CNTN5: variants seen among roughly 807,000 people sequenced by gnomAD.
CNTN5 encodes the protein contactin-5.
CNTN5 carries 77 observed loss-of-function variants against 129.1 expected under a neutral mutation model. The observed-to-expected ratio is 0.60, with a 90% CI of 0.50 to 0.72. CNTN5 has a LOEUF of 0.72. CNTN5 is among the 30% of genes least tolerant of loss of function. The pLI, the probability that CNTN5 is intolerant of heterozygous loss-of-function variation, is 0.00. For missense variants in CNTN5, 1,478 were observed against 1,328.8 expected (o/e 1.11, Z -1.75); for synonymous variants, 509 against 465.6 (o/e 1.09, Z -1.20).
At chr11:99,392,096 C>A (rs1027479985) in intron 2 of CNTN5, among the ~76,000 whole-genome samples, 3 of 150,776 alleles carry the variant, frequency 2.0e-5, no homozygotes, top group East Asian at 2.0e-4. Context: ...CTTGGACTAC[C>A]CTAAGGCTCA....
At chr11:99,912,043 A>G (rs1056962517) in intron 6 of CNTN5, among the ~76,000 whole-genome samples, 2 of 151,922 alleles carry the variant, frequency 1.3e-5, no homozygotes, top group Non-Finnish European at 2.9e-5. Flanking sequence ...TTGTTTACTT[A>G]TTATTATTGA....
intron 4 of CNTN5, among the ~76,000 whole-genome samples, chr11:99,840,690 A>G (rs1947459248): frequency 6.6e-6 from 1 of 152,144 alleles, no homozygotes; most frequent in Non-Finnish European, 1.5e-5. Context: ...GTGTGTGATG[A>G]CATCTGCCCA....
At chr11:100,049,769 A>G (rs531252330) in intron 9 of CNTN5, among the ~76,000 whole-genome samples, 9 of 152,186 alleles carry the variant, frequency 5.9e-5, no homozygotes, top group African/African-American at 1.9e-4. Context: ...AACTCCAACA[A>G]ATTTACAAGA....
intron 8 of CNTN5, among the ~76,000 whole-genome samples, chr11:99,996,806 G>A (rs1939478876): frequency 6.6e-6 from 1 of 152,214 alleles, no homozygotes. Flanking sequence ...GAGAGAGAGA[G>A]GGAGCATGGA....
intron 1 of CNTN5, among the ~76,000 whole-genome samples, chr11:99,085,373 A>G (rs190827679): frequency 6.6e-6 from 1 of 152,246 alleles, no homozygotes; most frequent in African/African-American, 2.4e-5. Context: ...ATATATGGCT[A>G]TTATTAAAGA....
intron 1 of CNTN5, among the ~76,000 whole-genome samples, chr11:99,093,946 T>G (rs1179416899): frequency 2.0e-5 from 3 of 151,974 alleles, no homozygotes; most frequent in African/African-American, 7.2e-5. Flanking sequence ...TACTTAAAAC[T>G]CTGTGAGGCA....
At chr11:99,458,997 A>T (rs1477962948) in intron 2 of CNTN5, among the ~76,000 whole-genome samples, 3 of 152,052 alleles carry the variant, frequency 2.0e-5, no homozygotes, top group African/African-American at 7.2e-5. Flanking sequence ...TCAGCTTTGT[A>T]AGTTAGGCCA....
At chr11:99,068,564 G>C (rs913075901) in intron 1 of CNTN5, among the ~76,000 whole-genome samples, 5 of 152,126 alleles carry the variant, frequency 3.3e-5, no homozygotes, top group African/African-American at 1.2e-4. Flanking sequence ...AAGCAGGCTG[G>C]GTTAGGCTGG....
At chr11:99,787,638 A>T (rs907872543) in intron 3 of CNTN5, among the ~76,000 whole-genome samples, 1 of 152,146 alleles carries the variant, frequency 6.6e-6, no homozygotes, top group African/African-American at 2.4e-5. Flanking sequence ...ATGGTTTACA[A>T]TTGGATATTT....
intron 1 of CNTN5, among the ~76,000 whole-genome samples, chr11:99,281,901 G>T (rs184116463): frequency 6.6e-4 from 100 of 152,078 alleles, no homozygotes; most frequent in African/African-American, 2.3e-3. Context: ...AAAGTAGGAC[G>T]TTGGAGCCTC....
chr11:100,154,285 C>G (rs11222993), intron 13 of CNTN5, among the ~76,000 whole-genome samples: 10,024 of 152,060 alleles, frequency 0.066, 1,097 homozygotes, highest in African/African-American at 0.23. Flanking sequence ...TGAACTCATC[C>G]TTTTTTATGG....
chr11:100,080,808 A>G (rs1944335864), intron 13 of CNTN5, among the ~76,000 whole-genome samples: 1 of 152,202 alleles, frequency 6.6e-6, no homozygotes, highest in South Asian at 2.1e-4. Context: ...ATTAGCATTC[A>G]TAAATCAAGA....
chr11:99,219,284 A>G (rs1472298085), intron 1 of CNTN5, among the ~76,000 whole-genome samples: 1 of 151,920 alleles, frequency 6.6e-6, no homozygotes, highest in Non-Finnish European at 1.5e-5. Context: ...ATAGTATACT[A>G]TATAAAGGTA....
chr11:99,141,454 A>G (rs1859509877), intron 1 of CNTN5, among the ~76,000 whole-genome samples: 1 of 152,060 alleles, frequency 6.6e-6, no homozygotes, highest in Non-Finnish European at 1.5e-5. Flanking sequence ...TATTCATTCA[A>G]AGAACGAACT....
At chr11:99,796,365 C>T (rs1023957975) in intron 3 of CNTN5, among the ~76,000 whole-genome samples, 1 of 151,908 alleles carries the variant, frequency 6.6e-6, no homozygotes, top group African/African-American at 2.4e-5. Context: ...GAGGTGATGT[C>T]CACCTGTATG....
At chr11:100,204,934 C>G (rs1421291455) in intron 15 of CNTN5, among the ~76,000 whole-genome samples, 1 of 151,772 alleles carries the variant, frequency 6.6e-6, no homozygotes, top group African/African-American at 2.4e-5. Flanking sequence ...TAATAAGGCC[C>G]TGAATACTGG....
intron 1 of CNTN5, among the ~76,000 whole-genome samples, chr11:99,223,298 C>T (rs1387537035): frequency 6.6e-6 from 1 of 152,102 alleles, no homozygotes; most frequent in Non-Finnish European, 1.5e-5. Flanking sequence ...CTTAACTCAT[C>T]CACATTAAGT....
At chr11:99,226,943 G>A (rs545922642) in intron 1 of CNTN5, among the ~76,000 whole-genome samples, 18 of 152,164 alleles carry the variant, frequency 1.2e-4, no homozygotes, top group East Asian at 5.8e-4. Context: ...AAATATCTAC[G>A]TATAAATCCC....
At chr11:99,504,182 A>C (rs1946528766) in intron 2 of CNTN5, among the ~76,000 whole-genome samples, 1 of 152,194 alleles carries the variant, frequency 6.6e-6, no homozygotes, top group South Asian at 2.1e-4. Flanking sequence ...GATGTAAACT[A>C]ATATTTTGAT....
Sources: gnomAD v4.1 joint callset for allele counts (sites outside exome capture counted in the v4.1 genomes callset) on GRCh38, gnomAD v4.1.1 for gene constraint, MANE v1.5 for transcripts, NCBI Gene and HGNC (gene_info 2026-07-23, HGNC 2026-07-21) for gene names.